Variants in CACNA2D4 observed in about 807,000 individuals in gnomAD.
CACNA2D4 encodes the protein calcium voltage-gated channel auxiliary subunit alpha2delta 4, also known as voltage-dependent calcium channel subunit alpha-2/delta-4.
A neutral mutation model predicts 163.8 loss-of-function variants in CACNA2D4; 157 were observed. The ratio of observed to expected loss-of-function variants is 0.96; its 90% CI spans 0.84 to 1.09. The LOEUF is 1.09. Among genes scored for constraint, CACNA2D4 ranks in the 50% least tolerant of loss-of-function variants. The pLI, the probability that CACNA2D4 is intolerant of heterozygous loss-of-function variation, is 0.00. For synonymous variants in CACNA2D4, 598 were observed against 586.9 expected (o/e 1.02, Z -0.27); for missense variants, 1,410 against 1,479.9 (o/e 0.95, Z 0.78).
In CACNA2D4 at chr12:1,907,578, G is replaced by A; in HGVS notation, c.650-7C>T. ...CCATTTAAAATATCTGGGTCTGAAG[G>A]GTGAGACTATAGATTATGATCCTGT... On this transcript the variant is annotated splice_polypyrimidine_tract_variant and splice_region_variant and intron_variant, in intron 5 of 37. Transcript: ENST00000382722. 6.2e-7 allele frequency: 1 copy of A among 1,610,662 alleles called. No individual in the cohort carries two copies. Among genetic ancestry groups the A allele is most frequent in the Non-Finnish European group, 8.5e-7 (1 of 1,177,586 alleles).
rs367684783 is a variant in CACNA2D4, at chr12:1,800,004, G to C, written c.2970C>G (p.Ala990=). The C allele has an allele frequency of 6.2e-7, 1 of 1,603,702 alleles. No individual in the cohort carries two copies. The highest frequency in any genetic ancestry group is 2.3e-5 in the East Asian group (1 of 44,266). The change falls in exon 33 of 38, where the codon GCC becomes GCG. Residue 990 remains alanine (A), a synonymous_variant. Coordinates refer to ENST00000382722, the MANE Select transcript of CACNA2D4 (RefSeq NM_172364.5). The part of the protein sequence containing the change: ...SVWGSWYDRG[A]EAKSVFHHSH... Reference sequence around the variant, plus strand: ...CCTGCAGCTCCGTGCACTCACCCTCGGCCCCTCTGTCGTACCAGGAGCCCC... The same window carrying C: ...CCTGCAGCTCCGTGCACTCACCCTCCGCCCCTCTGTCGTACCAGGAGCCCC...
chr12:1,845,652 G>A (rs1388946613), intron 24 of CACNA2D4, among the ~76,000 whole-genome samples: 1 of 152,150 alleles, frequency 6.6e-6, no homozygotes, highest in Non-Finnish European at 1.5e-5. Context: ...CTCCTGGGTT[G>A]CGAAGCGGCA....
chr12:1,800,494 C>T (rs552109854), intron 31 of CACNA2D4, 56 bp from the exon 32 acceptor site: 6 of 1,557,342 alleles, frequency 3.9e-6, no homozygotes, highest in African/African-American at 2.7e-5. Context: ...GAGGGTGCCC[C>T]CCCCCCACCA....
chr12:1,905,185 T>C (rs1296909818), intron 6 of CACNA2D4, among the ~76,000 whole-genome samples: 1 of 151,938 alleles, frequency 6.6e-6, no homozygotes, highest in African/African-American at 2.4e-5. Flanking sequence ...GACAAAAACA[T>C]TAAAAAAACT....
intron 22 of CACNA2D4, among the ~76,000 whole-genome samples, chr12:1,854,691 C>A (rs949544414): frequency 9.2e-5 from 14 of 152,198 alleles, no homozygotes; most frequent in Admixed American, 8.5e-4. Flanking sequence ...TAGGCATGAG[C>A]CACTGCCCCT....
At chr12:1,873,071 A>G (rs1277902505) in intron 18 of CACNA2D4, among the ~76,000 whole-genome samples, 1 of 152,098 alleles carries the variant, frequency 6.6e-6, no homozygotes, top group Non-Finnish European at 1.5e-5. Flanking sequence ...TCATCTGTCA[A>G]ATGGGGATAG....
At chr12:1,884,174 C>T in intron 12 of CACNA2D4, 69 bp downstream of exon 12, 1 of 1,461,236 alleles carries the variant, frequency 6.8e-7, no homozygotes, top group Non-Finnish European at 9.5e-7. Flanking sequence ...TCAGCACTTC[C>T]AGGGCTGGGT....
At chr12:1,881,983 A>T (rs1334754084) in intron 13 of CACNA2D4, among the ~76,000 whole-genome samples, 1 of 152,258 alleles carries the variant, frequency 6.6e-6, no homozygotes, top group Non-Finnish European at 1.5e-5. Flanking sequence ...ACAGGGACTG[A>T]GTTCTGGCCA....
At chr12:1,854,432 G>A (rs929634797) in intron 22 of CACNA2D4, among the ~76,000 whole-genome samples, 1 of 152,050 alleles carries the variant, frequency 6.6e-6, no homozygotes, top group African/African-American at 2.4e-5. Context: ...TTGAGATGGA[G>A]TCTCATTCTG....
intron 18 of CACNA2D4, among the ~76,000 whole-genome samples, chr12:1,864,816 G>T (rs1447967797): frequency 6.6e-6 from 1 of 152,234 alleles, no homozygotes; most frequent in East Asian, 1.9e-4. Flanking sequence ...ATTGCCGATG[G>T]CTGCCCGCAA....
chr12:1,866,655 C>G (rs1269417974), intron 18 of CACNA2D4, among the ~76,000 whole-genome samples: 2 of 152,080 alleles, frequency 1.3e-5, no homozygotes, highest in Admixed American at 6.6e-5. Context: ...TAGTCTCACT[C>G]TGTTGCCCAA....
At position 1,829,552 on chromosome 12, in the gene CACNA2D4, T is replaced by G. The variant is rs1864523522; in HGVS notation, c.2551+11187A>C. 6.6e-6 allele frequency among the ~76,000 whole-genome samples: 1 copy of G among 152,020 alleles called. No individual in the cohort carries two copies. Among genetic ancestry groups the G allele is most frequent in the South Asian group, 2.1e-4 (1 of 4,820 alleles). Reference sequence around the variant, plus strand: ...GGGCCAGATCTAGCCACGTGTCAGCTCTCAGCTGTCATCGATCCTCCAGGC... The same window carrying G: ...GGGCCAGATCTAGCCACGTGTCAGCGCTCAGCTGTCATCGATCCTCCAGGC... On this transcript the variant is annotated intron_variant, in intron 26 of 37. Coordinates refer to ENST00000382722, the MANE Select transcript of CACNA2D4 (RefSeq NM_172364.5). The surrounding 1 kb of genome is among the most constrained non-coding windows in gnomAD (Gnocchi z 4.2).
intron 2 of CACNA2D4, among the ~76,000 whole-genome samples, chr12:1,914,555 T>A (rs192334654): frequency 2.2e-4 from 33 of 152,232 alleles, no homozygotes; most frequent in Admixed American, 2.0e-3. Flanking sequence ...ATCCACTCCC[T>A]CCGTCTCTCC....
At chr12:1,823,622 C>T (rs1430650679) in intron 26 of CACNA2D4, among the ~76,000 whole-genome samples, 1 of 152,030 alleles carries the variant, frequency 6.6e-6, no homozygotes, top group African/African-American at 2.4e-5. Flanking sequence ...CCTCAGCACA[C>T]AACCCCCAGC....
At position 1,910,693 on chromosome 12, in the gene CACNA2D4, C is replaced by T. The variant is rs377417010; in HGVS notation, c.427-728G>A. Among the ~76,000 whole-genome samples the T allele has an allele frequency of 9.2e-5, 14 of 152,312 alleles. No homozygotes were observed. The East Asian group carries it at 2.5e-3, about 27-fold the overall frequency. The stretch of plus-strand genomic sequence containing the variant: ...CCTAAAAAGGAATGAAGTGCTGATG[C>T]ATGGAACAACACAGATGAACCCTGT... On this transcript the variant is annotated intron_variant, in intron 3 of 37. Transcript: ENST00000382722.
chr12:1,891,307 C>G (rs1270717490), intron 6 of CACNA2D4, among the ~76,000 whole-genome samples: 1 of 152,226 alleles, frequency 6.6e-6, no homozygotes, highest in Non-Finnish European at 1.5e-5. Flanking sequence ...CTGAGGAAAT[C>G]ACAGACACCA....
At chr12:1,851,845 C>A (rs1052308348) in intron 23 of CACNA2D4, among the ~76,000 whole-genome samples, 1 of 151,916 alleles carries the variant, frequency 6.6e-6, no homozygotes, top group African/African-American at 2.4e-5. Flanking sequence ...AGTCTCGTAT[C>A]CAAAAACACT....
In CACNA2D4 at chr12:1,792,998, C is replaced by T. The variant is rs2286379; in HGVS notation, c.*657G>A. On this transcript the variant is annotated 3_prime_UTR_variant, in exon 38 of 38. Transcript: ENST00000382722. ...CAATAGCAGCAGTTTGGGGACATCA[C>T]GTGTAGCCCTGTCGATATTTCCTGA... is the stretch of plus-strand genomic sequence containing the variant. The T allele has an allele frequency of 0.43, 66,021 of 152,054 alleles. 16,545 individuals are homozygous for T. The highest frequency in any genetic ancestry group is 0.56 in the Non-Finnish European group (38,339 of 67,988). 9.4% of individuals were successfully genotyped at this position (152,054 alleles called of 1,614,324 possible). A position where few individuals can be genotyped will look rare whatever the true frequency, so the allele number is the denominator to read the frequency against.
At chr12:1,881,463 G>T (rs1451112678) in intron 13 of CACNA2D4, among the ~76,000 whole-genome samples, 1 of 152,214 alleles carries the variant, frequency 6.6e-6, no homozygotes. Context: ...TCGCTTTCCA[G>T]CTCCCGTGGC....
Sources: allele counts gnomAD v4.1 joint callset (sites outside exome capture counted in the v4.1 genomes callset), GRCh38; gene constraint gnomAD v4.1.1; non-coding constraint Gnocchi (gnomAD v3.1); transcripts MANE v1.5; gene names NCBI Gene and HGNC (gene_info 2026-07-23, HGNC 2026-07-21).